SEC11A: variants seen among roughly 807,000 people sequenced by gnomAD.
The protein encoded by SEC11A is SEC11 homolog A, signal peptidase complex subunit, also known as signal peptidase complex catalytic subunit SEC11A.
Under a neutral mutation model 25.6 loss-of-function variants are expected in SEC11A, and 14 were observed. That is an observed-to-expected ratio of 0.55 (90% CI 0.36 to 0.85). The LOEUF (loss-of-function observed/expected upper bound fraction) is 0.85, where lower values mean the gene tolerates loss of function less well. Ranked by LOEUF, SEC11A falls within the 40% of genes least tolerant of loss-of-function variation. The probability of loss-of-function intolerance (pLI) is 0.01; values close to 1 mark genes in which losing one functional copy is unlikely to be tolerated. For synonymous variants in SEC11A, 83 were observed against 76.4 expected, an observed-to-expected ratio of 1.09 and a Z score of -0.45; for missense variants, 153 against 222.9, an observed-to-expected ratio of 0.69 and a Z score of 2.00.
At chr15:84,689,182 TA>T (rs1006464195) in intron 2 of SEC11A, among the ~76,000 whole-genome samples, 15 of 149,300 alleles carry the variant, frequency 1.0e-4, no homozygotes, top group Non-Finnish European at 8.9e-5. Context: ...TCAGTCTCTG[TA>T]AAAAAAAAAT....
At chr15:84,683,015 T>C (rs1399261172) in intron 3 of SEC11A, among the ~76,000 whole-genome samples, 1 of 151,834 alleles carries the variant, frequency 6.6e-6, no homozygotes, top group African/African-American at 2.4e-5. Flanking sequence ...GAAACTAAAT[T>C]GGGAGGTGTT....
chr15:84,693,661 A>G (rs1897675373), intron 1 of SEC11A, among the ~76,000 whole-genome samples: 1 of 151,984 alleles, frequency 6.6e-6, no homozygotes, highest in African/African-American at 2.4e-5. Flanking sequence ...GGGTTTCACC[A>G]TGCTGGCCAG....
chr15:84,675,990 C>A (rs1897122880), intron 4 of SEC11A, among the ~76,000 whole-genome samples: 1 of 152,078 alleles, frequency 6.6e-6, no homozygotes, highest in Non-Finnish European at 1.5e-5. Flanking sequence ...CTGTCCGAGG[C>A]TACAGGAAGT....
chr15:84,698,169 A>C (rs1409370229), intron 1 of SEC11A, among the ~76,000 whole-genome samples: 1 of 152,202 alleles, frequency 6.6e-6, no homozygotes, highest in African/African-American at 2.4e-5. Context: ...AATAATTTTA[A>C]ATACTATAAT....
intron 3 of SEC11A, among the ~76,000 whole-genome samples, chr15:84,685,031 T>TA (rs1406129968): frequency 6.6e-6 from 1 of 152,098 alleles, no homozygotes; most frequent in Non-Finnish European, 1.5e-5. Flanking sequence ...TTCTGAATAT[T>TA]AACAGGGTCT....
At chr15:84,674,731 A>G (rs915570186) in intron 4 of SEC11A, among the ~76,000 whole-genome samples, 1 of 151,860 alleles carries the variant, frequency 6.6e-6, no homozygotes, top group African/African-American at 2.4e-5. Context: ...GCTAATTTTT[A>G]AATTTTTTTG....
At chr15:84,691,387 C>T (rs1286496835) in intron 2 of SEC11A, 148 bp downstream of exon 2, 3 of 553,506 alleles carry the variant, frequency 5.4e-6, no homozygotes, top group Non-Finnish European at 9.7e-6. Context: ...GAATTTCTTA[C>T]AACTGATAAG....
At chr15:84,696,831 G>C (rs920337946) in intron 1 of SEC11A, among the ~76,000 whole-genome samples, 6 of 152,008 alleles carry the variant, frequency 3.9e-5, no homozygotes, top group African/African-American at 1.4e-4. Flanking sequence ...AAAAGGGCTC[G>C]GTTATAGAGT....
intron 1 of SEC11A, among the ~76,000 whole-genome samples, chr15:84,694,326 G>C (rs1897695945): frequency 6.6e-6 from 1 of 151,870 alleles, no homozygotes; most frequent in African/African-American, 2.4e-5. Flanking sequence ...CTGCACTCCA[G>C]CCTGGGCAAC....
chr15:84,715,587 C>T (rs1567046795), intron 1 of SEC11A, among the ~76,000 whole-genome samples: 2 of 152,174 alleles, frequency 1.3e-5, no homozygotes, highest in South Asian at 2.1e-4. Context: ...AGCAGCAAAA[C>T]GGTTTTTGTG....
Position 84,680,823 on chromosome 15 carries a change from C to T in SEC11A, c.321G>A (p.Gly107=). The change falls in exon 4 of 6, where the codon GGG becomes GGA. Residue 107 remains glycine, a synonymous_variant. Transcript: ENST00000268220. ...RVLKIHEKQN[G]HIKFLTKGDN... is the part of the protein sequence containing the mutation. ...CTCCTTTGGTCAAAAACTTGATATGCCCATTTTGCCTTAAAAGAGTAAAGG... is the reference window on the plus strand; with the variant it reads ...CTCCTTTGGTCAAAAACTTGATATGTCCATTTTGCCTTAAAAGAGTAAAGG... The T allele has an allele frequency of 2.5e-6, 4 of 1,607,132 alleles. No homozygotes were observed. The highest frequency in any genetic ancestry group is 3.4e-6 in the Non-Finnish European group (4 of 1,175,862).
At chr15:84,683,183 G>A (rs978566532) in intron 3 of SEC11A, among the ~76,000 whole-genome samples, 9 of 152,190 alleles carry the variant, frequency 5.9e-5, no homozygotes, top group Non-Finnish European at 1.3e-4. Flanking sequence ...CAGGTGCTAG[G>A]AGGGGCTCAC....
At chr15:84,711,914 A>G (rs1036641659) in intron 1 of SEC11A, among the ~76,000 whole-genome samples, 9 of 152,182 alleles carry the variant, frequency 5.9e-5, no homozygotes, top group African/African-American at 2.2e-4. Context: ...AGACTAAGAA[A>G]GAATACAAGC....
intron 2 of SEC11A, among the ~76,000 whole-genome samples, 157 bp downstream of exon 2, chr15:84,691,378 A>C (rs1340597771): frequency 1.3e-5 from 2 of 152,148 alleles, no homozygotes; most frequent in African/African-American, 4.8e-5. Context: ...CCAGCCTGAG[A>C]ATTTCTTACA....
At chr15:84,677,575 C>A (rs925717330) in intron 4 of SEC11A, among the ~76,000 whole-genome samples, 22 of 151,380 alleles carry the variant, frequency 1.5e-4, no homozygotes, top group Non-Finnish European at 2.5e-4. Flanking sequence ...CGGGTTCATG[C>A]CATTCTCCTG....
intron 2 of SEC11A, among the ~76,000 whole-genome samples, chr15:84,691,073 C>CTTTT (rs199982469): frequency 1.5e-5 from 2 of 132,984 alleles, no homozygotes; most frequent in Non-Finnish European, 3.2e-5. Flanking sequence ...TCTTTTCTCT[C>CTTTT]TTTTTTTTTT....
At chr15:84,690,191 G>T (rs1897561803) in intron 2 of SEC11A, among the ~76,000 whole-genome samples, 1 of 152,140 alleles carries the variant, frequency 6.6e-6, no homozygotes, top group Non-Finnish European at 1.5e-5. Flanking sequence ...GAATCATGGG[G>T]CAGGTTTTTC....
At chr15:84,679,020 C>T (rs1897215708) in intron 4 of SEC11A, among the ~76,000 whole-genome samples, 1 of 149,310 alleles carries the variant, frequency 6.7e-6, no homozygotes, top group South Asian at 2.1e-4. Flanking sequence ...AAAAAAAGTA[C>T]TCATTAATAT....
chr15:84,699,958 A>G (rs1428475027), intron 1 of SEC11A, among the ~76,000 whole-genome samples: 1 of 151,924 alleles, frequency 6.6e-6, no homozygotes, highest in African/African-American at 2.4e-5. Flanking sequence ...ACAGAGTGGA[A>G]ATCTTCACGG....
Sources: allele counts gnomAD v4.1 joint callset (sites outside exome capture counted in the v4.1 genomes callset), GRCh38; gene constraint gnomAD v4.1.1; transcripts MANE v1.5; gene names NCBI Gene and HGNC (gene_info 2026-07-23, HGNC 2026-07-21).